Variants in NXN observed in about 807,000 individuals in gnomAD.
NXN encodes the protein nucleoredoxin.
In NXN, 16 loss-of-function variants were observed where a neutral mutation model predicts 48.6. That is an observed-to-expected ratio of 0.33 (90% CI 0.22 to 0.50). NXN has a LOEUF of 0.50. Among genes scored for constraint, NXN ranks in the 20% least tolerant of loss-of-function variants. The probability of loss-of-function intolerance (pLI) is 0.98; values close to 1 mark genes in which losing one functional copy is unlikely to be tolerated. For missense variants in NXN, 492 were observed against 605.5 expected, an observed-to-expected ratio of 0.81 and a Z score of 1.97; for synonymous variants, 281 against 269.6, an observed-to-expected ratio of 1.04 and a Z score of -0.41.
chr17:893,346 G>C (rs1466493472), intron 1 of NXN, among the ~76,000 whole-genome samples: 1 of 152,228 alleles, frequency 6.6e-6, no homozygotes, highest in African/African-American at 2.4e-5. Context: ...CCTAGGCAGA[G>C]GCTGGAGACA....
chr17:923,243 G>A (rs2068766104), intron 1 of NXN, among the ~76,000 whole-genome samples: 1 of 152,122 alleles, frequency 6.6e-6, no homozygotes, highest in African/African-American at 2.4e-5. Context: ...CAGGGCCCTT[G>A]TCTTATTCAC....
At chr17:885,997 A>G (rs6598829) in intron 1 of NXN, among the ~76,000 whole-genome samples, 76,232 of 151,682 alleles carry the variant, frequency 0.5, 20,581 homozygotes, top group African/African-American at 0.69. Context: ...TGTGGTACTC[A>G]CTTTTAATGC....
At chr17:861,679 A>G (rs2144780281) in intron 1 of NXN, among the ~76,000 whole-genome samples, 1 of 152,282 alleles carries the variant, frequency 6.6e-6, no homozygotes, top group South Asian at 2.1e-4. Flanking sequence ...AAGACTCAAG[A>G]GCCATCTTGA....
At chr17:914,419 C>T (rs1406360565) in intron 1 of NXN, among the ~76,000 whole-genome samples, 1 of 152,170 alleles carries the variant, frequency 6.6e-6, no homozygotes, top group Non-Finnish European at 1.5e-5. Flanking sequence ...ATCCACCCGC[C>T]ACAGCCTCCC....
chr17:902,888 C>T (rs2144902084), intron 1 of NXN, among the ~76,000 whole-genome samples: 1 of 151,892 alleles, frequency 6.6e-6, no homozygotes, highest in East Asian at 2.0e-4. Context: ...AAGCGATTCT[C>T]CTGCCTCAGC....
intron 5 of NXN, among the ~76,000 whole-genome samples, chr17:812,293 G>A (rs1597618579): frequency 1.3e-5 from 2 of 152,208 alleles, no homozygotes; most frequent in Non-Finnish European, 2.9e-5. Flanking sequence ...TCCACAAAAT[G>A]ACCAGCAGAT....
intron 1 of NXN, among the ~76,000 whole-genome samples, chr17:843,367 A>G (rs1426034876): frequency 2.6e-5 from 4 of 152,214 alleles, no homozygotes; most frequent in African/African-American, 9.6e-5. Context: ...AGCTGGGAGC[A>G]CAAACGGCAT....
intron 1 of NXN, among the ~76,000 whole-genome samples, chr17:851,306 C>G (rs1305720737): frequency 2.0e-5 from 3 of 152,256 alleles, no homozygotes; most frequent in Admixed American, 6.5e-5. Context: ...GACGCCAGGA[C>G]AAAAGACAGC....
chr17:970,015 C>G (rs973167229), intron 1 of NXN, among the ~76,000 whole-genome samples: 2 of 152,108 alleles, frequency 1.3e-5, no homozygotes, highest in African/African-American at 2.4e-5. Flanking sequence ...CAGAAGGAAG[C>G]GACGAAGTGA....
At chr17:904,290 C>CGTCGGAT (rs1350364660) in intron 1 of NXN, among the ~76,000 whole-genome samples, 1 of 148,396 alleles carries the variant, frequency 6.7e-6, no homozygotes, top group Admixed American at 6.6e-5. Flanking sequence ...GCTGCCCGGA[C>CGTCGGAT]GTCGGACGCC....
intron 1 of NXN, among the ~76,000 whole-genome samples, chr17:967,766 T>C (rs1299876417): frequency 6.6e-6 from 1 of 152,106 alleles, no homozygotes; most frequent in East Asian, 1.9e-4. Flanking sequence ...GGTCAGGAGA[T>C]CAAGACCATC....
intron 1 of NXN, among the ~76,000 whole-genome samples, chr17:976,102 T>A (rs1421201813): frequency 6.6e-6 from 1 of 152,162 alleles, no homozygotes; most frequent in East Asian, 1.9e-4. Context: ...GCCAAAAAAA[T>A]TAAGCTTCAA....
At chr17:924,798 C>T (rs2068783645) in intron 1 of NXN, among the ~76,000 whole-genome samples, 1 of 152,252 alleles carries the variant, frequency 6.6e-6, no homozygotes, top group Admixed American at 6.5e-5. Context: ...AAAATGCAAA[C>T]ATTCAAAGAC....
chr17:841,587 G>A (rs375311456), intron 1 of NXN, among the ~76,000 whole-genome samples: 2 of 37,882 alleles, frequency 5.3e-5, no homozygotes, highest in African/African-American at 2.3e-4. Context: ...ATCTCACGCC[G>A]GCGAGCAGGT....
intron 1 of NXN, among the ~76,000 whole-genome samples, chr17:853,827 G>C (rs1461571480): frequency 6.6e-6 from 1 of 150,388 alleles, no homozygotes; most frequent in African/African-American, 2.5e-5. Flanking sequence ...GGGTTCAAGT[G>C]ATTCTCCTGC....
intron 3 of NXN, among the ~76,000 whole-genome samples, chr17:823,376 G>A (rs922227442): frequency 7.3e-5 from 11 of 151,054 alleles, no homozygotes; most frequent in Non-Finnish European, 1.6e-4. Context: ...TCCAGCCTGG[G>A]TAACAGAGCG....
chr17:963,210 G>C (rs558782567), intron 1 of NXN, among the ~76,000 whole-genome samples: 7 of 141,078 alleles, frequency 5.0e-5, no homozygotes, highest in South Asian at 2.8e-4. Flanking sequence ...TAGGTACTGG[G>C]ACGGACACAC....
At position 800,997 on chromosome 17, in the gene NXN, G is replaced by A; in HGVS notation, c.1260C>T (p.Ala420=). The part of the protein sequence containing the change: ...VEEITPAIVE[A]FVNDFLAEKL... ...TCTCTGCTAGGAAGTCATTCACAAA[G>A]GCCTCCACGATGGCGGGGGTGATCT... is the stretch of plus-strand genomic sequence containing the variant. Residue 420 remains alanine, a synonymous_variant, in exon 8 of 8, where the codon GCC becomes GCT. Transcript: ENST00000336868. 6.4e-7 allele frequency: 1 copy of A among 1,559,672 alleles called. No individual in the cohort carries two copies. Among genetic ancestry groups the A allele is most frequent in the Non-Finnish European group, 8.7e-7 (1 of 1,150,690 alleles).
intron 1 of NXN, among the ~76,000 whole-genome samples, chr17:885,699 T>A (rs2068338012): frequency 3.2e-5 from 3 of 93,810 alleles, no homozygotes; most frequent in African/African-American, 1.1e-4. Flanking sequence ...TTTTTTTTTT[T>A]TGAGACAGAG....
Sources: allele counts gnomAD v4.1 joint callset (sites outside exome capture counted in the v4.1 genomes callset), GRCh38; gene constraint gnomAD v4.1.1; transcripts MANE v1.5; gene names NCBI Gene and HGNC (gene_info 2026-07-23, HGNC 2026-07-21).